Variants in USP15 observed in about 807,000 individuals in gnomAD.
The protein encoded by USP15 is ubiquitin carboxyl-terminal hydrolase 15.
USP15 carries 18 observed loss-of-function variants against 127.1 expected under a neutral mutation model. The ratio of observed to expected loss-of-function variants is 0.14; its 90% confidence interval spans 0.10 to 0.21. The LOEUF is 0.21. USP15 is among the 10% of genes least tolerant of loss of function. USP15 has a pLI of 1.00. For missense variants in USP15, 805 were observed against 1,159.9 expected (o/e 0.69, Z 4.44); for synonymous variants, 364 against 393.7 (o/e 0.92, Z 0.89).
chr12:62,363,701 T>C (rs937452113), intron 8 of USP15, among the ~76,000 whole-genome samples: 4 of 151,966 alleles, frequency 2.6e-5, no homozygotes, highest in African/African-American at 9.7e-5. Context: ...CCCCGTGCTC[T>C]CTCTCTCCCT....
At chr12:62,308,504 C>A (rs979839588) in intron 3 of USP15, among the ~76,000 whole-genome samples, 1 of 151,958 alleles carries the variant, frequency 6.6e-6, no homozygotes, top group Admixed American at 6.6e-5. Context: ...CTCCCTCATC[C>A]CCTCCCCTCG....
Position 62,403,587 on chromosome 12 carries a change from G to A in USP15, c.2764-606G>A, listed in dbSNP as rs112787632. On this transcript the variant is annotated intron_variant, in intron 21 of 21. Coordinates refer to ENST00000280377, the MANE Select transcript of USP15 (RefSeq NM_001252078.2). ...AAGTGTGCATGAGAGTGAATGATGA[G>A]TATTGACAACTCTGTTTATCACCCT... Among the ~76,000 whole-genome samples the A allele has an allele frequency of 2.1e-3, 327 of 152,106 alleles. 1 individual carries two copies. The highest frequency in any genetic ancestry group is 3.9e-3 in the Admixed American group (60 of 15,258).
In USP15 at chr12:62,409,966, T is replaced by C. The variant is rs1001699648; in HGVS notation, c.*5591T>C. 4 of 152,174 alleles carry C rather than the reference T, an allele frequency of 2.6e-5. No individual in the cohort carries two copies. The highest frequency in any genetic ancestry group is 9.6e-5 in the African/African-American group (4 of 41,462). 9.4% of individuals were successfully genotyped at this position (152,174 alleles called of 1,614,324 possible). A position where few individuals can be genotyped will look rare whatever the true frequency, so the allele number is the denominator to read the frequency against. On this transcript the variant is annotated 3_prime_UTR_variant, in exon 22 of 22. Transcript: ENST00000280377. ...TTCGATGTTAACAGACGTAACTCTT[T>C]AATGCTCCTCTGTTCATGATTAAGT... is the stretch of plus-strand genomic sequence containing the variant.
chr12:62,309,615 A>G (rs540133496), intron 3 of USP15, among the ~76,000 whole-genome samples: 9 of 152,082 alleles, frequency 5.9e-5, no homozygotes, highest in Non-Finnish European at 1.2e-4. Flanking sequence ...AAGAAAAATT[A>G]CAGGCTGGTC....
At chr12:62,388,006 C>T (rs2137599763) in intron 11 of USP15, among the ~76,000 whole-genome samples, 1 of 151,514 alleles carries the variant, frequency 6.6e-6, no homozygotes, top group Admixed American at 6.6e-5. Context: ...GTTAGTAGAA[C>T]AGGAAGTTGG....
chr12:62,371,523 A>C (rs1010311418), intron 8 of USP15, among the ~76,000 whole-genome samples: 1 of 152,232 alleles, frequency 6.6e-6, no homozygotes, highest in Non-Finnish European at 1.5e-5. Context: ...TCTCTATAGC[A>C]ATTTGATAGG....
intron 1 of USP15, among the ~76,000 whole-genome samples, chr12:62,288,955 T>C (rs2063866676): frequency 6.6e-6 from 1 of 152,168 alleles, no homozygotes; most frequent in African/African-American, 2.4e-5. Context: ...GATCATGGTG[T>C]ATTATCTTTT....
intron 2 of USP15, among the ~76,000 whole-genome samples, chr12:62,295,665 A>T (rs1165273832): frequency 6.6e-6 from 1 of 152,248 alleles, no homozygotes; most frequent in Non-Finnish European, 1.5e-5. Context: ...CAGCTCTATG[A>T]ATAATCACAT....
chr12:62,366,269 C>T (rs902639410), intron 8 of USP15, among the ~76,000 whole-genome samples: 2 of 152,106 alleles, frequency 1.3e-5, no homozygotes, highest in African/African-American at 4.8e-5. Flanking sequence ...CCTTCACATC[C>T]CTTGTAAGTG....
chr12:62,373,059 C>T (rs915824599), intron 8 of USP15, among the ~76,000 whole-genome samples: 8 of 152,054 alleles, frequency 5.3e-5, no homozygotes, highest in Non-Finnish European at 8.8e-5. Flanking sequence ...TTGTCCTAGT[C>T]TTCTAGCCTT....
chr12:62,361,518 A>G (rs1180567716), intron 8 of USP15, among the ~76,000 whole-genome samples: 6 of 152,080 alleles, frequency 3.9e-5, no homozygotes, highest in Admixed American at 3.9e-4. Context: ...GCCAACACCA[A>G]TTTAATAATA....
rs73321578 is a variant in USP15, at chr12:62,378,592, A to G, written c.916-2898A>G. Among the ~76,000 whole-genome samples the G allele has an allele frequency of 4.4e-3, 666 of 152,232 alleles. 3 individuals carry two copies. Among genetic ancestry groups the G allele is most frequent in the African/African-American group, 0.015 (619 of 41,542 alleles). ...TATAATCAGTTTGAAACCAGCATGT[A>G]TCACTGTGAAAATAAATGCTGGTCT... On this transcript the variant is annotated intron_variant, in intron 8 of 21. Coordinates refer to ENST00000280377, the MANE Select transcript of USP15 (RefSeq NM_001252078.2).
At chr12:62,324,386 A>G (rs1391566805) in intron 5 of USP15, among the ~76,000 whole-genome samples, 2 of 151,936 alleles carry the variant, frequency 1.3e-5, no homozygotes. Flanking sequence ...TTGTTTTAAA[A>G]CTGATTTAAG....
rs1019240510 is a variant in USP15 at position 62,404,972 on chromosome 12, G to T, written c.*597G>T. 1 of 151,942 alleles carries T rather than the reference G, an allele frequency of 6.6e-6. No individual in the cohort carries two copies. Among genetic ancestry groups the T allele is most frequent in the Non-Finnish European group, 1.5e-5 (1 of 67,946 alleles). 9.4% of individuals were successfully genotyped at this position (151,942 alleles called of 1,614,324 possible). A position where few individuals can be genotyped will look rare whatever the true frequency, so the allele number is the denominator to read the frequency against. ...AACCTTGGAAAAGTTATTTCCCTTT[G>T]TAATACCTTTAAAAATCCAGAGTAT... On this transcript the variant is annotated 3_prime_UTR_variant, in exon 22 of 22. Transcript: ENST00000280377.
At chr12:62,371,635 C>T (rs1310028681) in intron 8 of USP15, among the ~76,000 whole-genome samples, 3 of 152,042 alleles carry the variant, frequency 2.0e-5, no homozygotes, top group African/African-American at 7.2e-5. Context: ...ATATCTTACA[C>T]AAGTACCAAT....
At chr12:62,277,834 A>T (rs2063537104) in intron 1 of USP15, among the ~76,000 whole-genome samples, 1 of 152,194 alleles carries the variant, frequency 6.6e-6, no homozygotes, top group Admixed American at 6.5e-5. Flanking sequence ...TAGTGCATTA[A>T]TGTACACTGC....
At chr12:62,265,512 C>T (rs990817608) in intron 1 of USP15, among the ~76,000 whole-genome samples, 3 of 152,092 alleles carry the variant, frequency 2.0e-5, no homozygotes, top group African/African-American at 7.2e-5. Context: ...GGTTTGTGCC[C>T]TTAAAGCACT....
chr12:62,262,317 A>G (rs955117653), intron 1 of USP15, among the ~76,000 whole-genome samples: 5 of 152,174 alleles, frequency 3.3e-5, no homozygotes, highest in African/African-American at 4.8e-5. Flanking sequence ...TTCCTAGGAC[A>G]CCCATGTTTA....
At position 62,409,761 on chromosome 12, in the gene USP15, T is replaced by C. The variant is rs2067992830; in HGVS notation, c.*5386T>C. On this transcript the variant is annotated 3_prime_UTR_variant, in exon 22 of 22. Transcript: ENST00000280377. ...ATGTGTATTATTACATTATTCTCAG[T>C]AATGACACATACTTAACATTTCCCA... The C allele has an allele frequency of 6.6e-6, 1 of 152,168 alleles. No individual in the cohort carries two copies. Among genetic ancestry groups the C allele is most frequent in the Non-Finnish European group, 1.5e-5 (1 of 68,010 alleles). The allele number at this position is 152,168 out of a possible 1,614,324, so 9.4% of individuals were successfully genotyped here.
Sources: gnomAD v4.1 joint callset for allele counts (sites outside exome capture counted in the v4.1 genomes callset) on GRCh38, gnomAD v4.1.1 for gene constraint, MANE v1.5 for transcripts, NCBI Gene and HGNC (gene_info 2026-07-23, HGNC 2026-07-21) for gene names.